The following RXRA variants were observed in gnomAD, a reference collection of about 807,000 sequenced individuals.
RXRA encodes retinoic acid receptor RXR-alpha.
RXRA carries 5 observed loss-of-function variants against 44.5 expected under a neutral mutation model. That is an observed-to-expected ratio of 0.11 (90% confidence interval 0.06 to 0.24). The LOEUF is 0.24. Ranked by LOEUF, RXRA falls within the 10% of genes least tolerant of loss-of-function variation. The pLI, the probability that RXRA is intolerant of heterozygous loss-of-function variation, is 1.00. For synonymous variants in RXRA, 291 were observed against 271.4 expected (o/e 1.07, Z -0.71); for missense variants, 412 against 646.5 (o/e 0.64, Z 3.93).
chr9:134,398,887 C>T (rs947548622), intron 1 of RXRA, among the ~76,000 whole-genome samples: 7 of 152,374 alleles, frequency 4.6e-5, no homozygotes, highest in Non-Finnish European at 1.0e-4. Flanking sequence ...CTGCATGGCC[C>T]GGCCTCCTCC....
At chr9:134,408,881 G>T (rs1831100211) in intron 3 of RXRA, 59 bp from the exon 4 acceptor site, 1 of 1,425,686 alleles carries the variant, frequency 7.0e-7, no homozygotes, top group African/African-American at 1.5e-5. Flanking sequence ...TTGGATGGGG[G>T]GTGGGCTCCC....
At chr9:134,344,663 C>G (rs528420281) in intron 1 of RXRA, among the ~76,000 whole-genome samples, 2 of 152,278 alleles carry the variant, frequency 1.3e-5, no homozygotes, top group Non-Finnish European at 2.9e-5. Context: ...CCCTCTGTGG[C>G]TCCCCAGGGT....
chr9:134,420,365 G>A (rs1831308864), intron 5 of RXRA, among the ~76,000 whole-genome samples: 1 of 152,220 alleles, frequency 6.6e-6, no homozygotes, highest in Non-Finnish European at 1.5e-5. Flanking sequence ...TGGGGGCTGT[G>A]GCTGCTGCTG....
intron 1 of RXRA, among the ~76,000 whole-genome samples, chr9:134,329,115 C>T (rs1834962277): frequency 6.6e-6 from 1 of 152,246 alleles, no homozygotes; most frequent in African/African-American, 2.4e-5. Context: ...CACACCAGAC[C>T]CCATGCGCCT....
Position 134,327,037 on chromosome 9 carries a change from C to T in RXRA, c.28+378C>T, listed in dbSNP as rs1291895624. ...CTTCTGCGCTCCGCGGCTCCGGCCT[C>T]CCTGGCCTGGGGACCGGGACGGCGC... is the stretch of plus-strand genomic sequence containing the variant. On this transcript the variant is annotated intron_variant, in intron 1 of 9. Coordinates refer to ENST00000481739, the MANE Select transcript of RXRA (RefSeq NM_002957.6). Among the ~76,000 whole-genome samples, 4 of 152,026 alleles carry T rather than the reference C, an allele frequency of 2.6e-5. No homozygotes were observed. The South Asian group carries it at 6.2e-4, about 24-fold the overall frequency.
chr9:134,387,146 C>T (rs983317466), intron 1 of RXRA, among the ~76,000 whole-genome samples: 1 of 152,208 alleles, frequency 6.6e-6, no homozygotes, highest in African/African-American at 2.4e-5. Context: ...GGGGCTGAGT[C>T]GGAGGGTCCC....
chr9:134,432,646 G>T (rs1380005951), intron 8 of RXRA, among the ~76,000 whole-genome samples: 1 of 152,400 alleles, frequency 6.6e-6, no homozygotes, highest in East Asian at 1.9e-4. Flanking sequence ...GCATGGGAGG[G>T]CCCCTTCAAG....
intron 9 of RXRA, among the ~76,000 whole-genome samples, chr9:134,435,806 G>A (rs1831610496): frequency 1.3e-5 from 2 of 152,146 alleles, no homozygotes; most frequent in Admixed American, 1.3e-4. Flanking sequence ...CTCTTGCTGT[G>A]ATGGCTGCTG....
chr9:134,349,908 C>T lies in RXRA; in HGVS notation c.28+23249C>T, dbSNP rs1462396649. ...CTCATCCTGCCTGTGACACCTTCCT[C>T]TCCTCCTGTTTGGGTCAGCTCCTGG... On this transcript the variant is annotated intron_variant, in intron 1 of 9. Coordinates refer to ENST00000481739, the MANE Select transcript of RXRA (RefSeq NM_002957.6). This position sits in a 1 kb window ranked among gnomAD's most constrained non-coding sequence, Gnocchi z 4.3. Among the ~76,000 whole-genome samples the T allele has an allele frequency of 6.6e-6, 1 of 152,168 alleles. No homozygotes were observed. The highest frequency in any genetic ancestry group is 1.9e-4 in the East Asian group (1 of 5,176).
intron 1 of RXRA, among the ~76,000 whole-genome samples, chr9:134,395,862 C>T (rs1456769161): frequency 6.6e-6 from 1 of 152,236 alleles, no homozygotes; most frequent in African/African-American, 2.4e-5. Context: ...GGGGAAAGGG[C>T]AGGGTAACCT....
intron 1 of RXRA, among the ~76,000 whole-genome samples, chr9:134,346,200 G>A (rs1328948151): frequency 1.3e-5 from 2 of 152,098 alleles, no homozygotes; most frequent in Non-Finnish European, 2.9e-5. Context: ...CTCCTGTTCC[G>A]CTGTGGTCCT....
At position 134,426,777 on chromosome 9, in the gene RXRA, G is replaced by A. The variant is rs1831441411; in HGVS notation, c.911-2331G>A. The A allele has an allele frequency of 3.0e-6, 3 of 985,426 alleles. No individual in the cohort carries two copies. The highest frequency in any genetic ancestry group is 4.7e-5 in the South Asian group (1 of 21,294). The allele number at this position is 985,426 out of a possible 1,614,324, so 61.0% of individuals were successfully genotyped here. ...GTGAGGGAGAGAGGCAGGCCCGAGAGGCCAGGACTGGCCAGGGATGGTGGG... is the reference window on the plus strand; with the variant it reads ...GTGAGGGAGAGAGGCAGGCCCGAGAAGCCAGGACTGGCCAGGGATGGTGGG... On this transcript the variant is annotated intron_variant, in intron 6 of 9. Transcript: ENST00000481739. This position sits in a 1 kb window ranked among gnomAD's most constrained non-coding sequence, Gnocchi z 4.6.
chr9:134,368,074 T>C (rs1396962025), intron 1 of RXRA, among the ~76,000 whole-genome samples: 1 of 152,232 alleles, frequency 6.6e-6, no homozygotes, highest in Non-Finnish European at 1.5e-5. Flanking sequence ...GCCAGGAGCC[T>C]GCGGCAGCGG....
chr9:134,381,560 T>G (rs1830646624), intron 1 of RXRA, among the ~76,000 whole-genome samples: 1 of 151,318 alleles, frequency 6.6e-6, no homozygotes, highest in Non-Finnish European at 1.5e-5. Context: ...GGGGGCTGGG[T>G]GGGGCAGGAC....
chr9:134,361,832 CCTT>C (rs1280024384), intron 1 of RXRA, among the ~76,000 whole-genome samples: 3 of 152,314 alleles, frequency 2.0e-5, no homozygotes, highest in Admixed American at 6.5e-5. Flanking sequence ...CGGTGGGTCT[CCTT>C]CTGGTCTGAC....
Position 134,408,076 on chromosome 9 carries a change from G to T in RXRA, c.280-73G>T. 17 of 1,183,250 alleles carry T rather than the reference G, an allele frequency of 1.4e-5. 1 individual carries two copies. The highest frequency in any genetic ancestry group is 4.1e-4 in the Middle Eastern group (2 of 4,892). 73.3% of individuals were successfully genotyped at this position (1,183,250 alleles called of 1,614,324 possible). ...TTGGGGGTACAGCTGCGCCATCCTT[G>T]CTGCAGGGCCGTGGGGGACATAGGG... On this transcript the variant is annotated intron_variant, in intron 2 of 9. Coordinates refer to ENST00000481739, the MANE Select transcript of RXRA (RefSeq NM_002957.6).
Position 134,420,158 on chromosome 9 carries a change from T to C in RXRA, c.781-1518T>C, listed in dbSNP as rs1323489921. Among the ~76,000 whole-genome samples, 8 of 152,344 alleles carry C rather than the reference T, an allele frequency of 5.3e-5. No homozygotes were observed. The East Asian group carries it at 1.5e-3, about 29-fold the overall frequency. ...CTGCTGCAGACACGGTGCTCGGGGC[T>C]GGTTCCCATATCCCCCCGCCCCTGC... On this transcript the variant is annotated intron_variant, in intron 5 of 9. Transcript: ENST00000481739.
chr9:134,412,035 C>T (rs1374884885), intron 4 of RXRA, among the ~76,000 whole-genome samples: 1 of 152,222 alleles, frequency 6.6e-6, no homozygotes, highest in African/African-American at 2.4e-5. Context: ...GGGCAAGACC[C>T]CTTGGCTCCA....
chr9:134,380,112 G>GC, intron 1 of RXRA: 1 of 985,462 alleles, frequency 1.0e-6, no homozygotes, highest in Non-Finnish European at 1.2e-6. Context: ...CCGCCTGAGG[G>GC]CCAAGTGTGG....
Sources: gnomAD v4.1 joint callset for allele counts (sites outside exome capture counted in the v4.1 genomes callset) on GRCh38, gnomAD v4.1.1 for gene constraint, Gnocchi (gnomAD v3.1) non-coding constraint, MANE v1.5 for transcripts, NCBI Gene and HGNC (gene_info 2026-07-23, HGNC 2026-07-21) for gene names.